The following LHX8 variants were observed in gnomAD, a reference collection of about 807,000 sequenced individuals.
LHX8 encodes the protein LIM homeobox 8.
A neutral mutation model predicts 40.3 loss-of-function variants in LHX8; 12 were observed. The ratio of observed to expected loss-of-function variants is 0.30; its 90% confidence interval spans 0.19 to 0.48. LHX8 has a LOEUF of 0.48. Among genes scored for constraint, LHX8 ranks in the 20% least tolerant of loss-of-function variants. LHX8 has a pLI of 0.99. For missense variants in LHX8, 344 were observed against 433.7 expected (o/e 0.79, Z 1.84); for synonymous variants, 179 against 162.0 (o/e 1.10, Z -0.80).
At chr1:75,130,480 G>A (rs1423238625), upstream of LHX8, 25 of 591,986 alleles carry the variant, frequency 4.2e-5, no homozygotes, top group Admixed American at 5.9e-5. Flanking sequence ...GTCCCGCGTG[G>A]AGCAGGCTTG....
chr1:75,138,328 T>G (rs1435333926), intron 3 of LHX8, among the ~76,000 whole-genome samples: 3 of 152,202 alleles, frequency 2.0e-5, no homozygotes, highest in Admixed American at 6.5e-5. Context: ...TGTTCAAAAT[T>G]CGTGTTAGTG....
intron 7 of LHX8, among the ~76,000 whole-genome samples, chr1:75,155,476 C>T (rs778781833): frequency 2.3e-4 from 35 of 152,022 alleles, no homozygotes; most frequent in Non-Finnish European, 1.9e-4. Context: ...CCTTGTGATT[C>T]GCCCGCCTTG....
At position 75,160,810 on chromosome 1, in the gene LHX8, A is replaced by G. The variant is rs868127369; in HGVS notation, c.965-9A>G. On this transcript the variant is annotated splice_polypyrimidine_tract_variant and intron_variant, in intron 8 of 8. Coordinates refer to ENST00000356261, the MANE Select transcript of LHX8 (RefSeq NM_001256114.2). ...AAAACTGATCCACAAATTTCTTTCT[A>G]TTTTGTAGCTCATTCACCAACAACT... 4.4e-6 allele frequency: 7 copies of G among 1,603,204 alleles called. No homozygotes were observed. The highest frequency in any genetic ancestry group is 1.7e-4 in the Middle Eastern group (1 of 6,048).
chr1:75,143,426 T>C (rs550720602), intron 5 of LHX8, 88 bp downstream of exon 5: 292 of 885,816 alleles, frequency 3.3e-4, no homozygotes, highest in Non-Finnish European at 3.6e-4. Flanking sequence ...CTTAATGCAT[T>C]ATTTTGTACA....
rs1351792858 is a variant in LHX8, at chr1:75,134,760, G to C, written c.-207G>C. ...TCGCAGTGTCCTTGAAACTCGAGTTGTTTGGGCTCCTAAACAAGGTTCAGA... is the reference window on the plus strand; with the variant it reads ...TCGCAGTGTCCTTGAAACTCGAGTTCTTTGGGCTCCTAAACAAGGTTCAGA... On this transcript the variant is annotated 5_prime_UTR_variant, in exon 1 of 9. Transcript: ENST00000356261. 5.1e-6 allele frequency: 1 copy of C among 197,118 alleles called. No individual in the cohort carries two copies. Among genetic ancestry groups the C allele is most frequent in the Non-Finnish European group, 9.2e-6 (1 of 108,922 alleles). 12.2% of individuals were successfully genotyped at this position (197,118 alleles called of 1,614,324 possible).
downstream of LHX8, among the ~76,000 whole-genome samples, chr1:75,165,012 A>C (rs1199520948): frequency 6.6e-6 from 1 of 152,226 alleles, no homozygotes; most frequent in Non-Finnish European, 1.5e-5. Flanking sequence ...TTTAAGCACA[A>C]GCTGCCACTT....
At chr1:75,175,802 CCTAATG>C in the LHX8 span, among the ~76,000 whole-genome samples, 1 of 152,052 alleles carries the variant, frequency 6.6e-6, no homozygotes, top group African/African-American at 2.4e-5. Context: ...AGGTATTTCT[CCTAATG>C]CTATCCCTCC....
the LHX8 span, among the ~76,000 whole-genome samples, chr1:75,189,909 T>A: frequency 1.3e-5 from 2 of 152,236 alleles, no homozygotes; most frequent in African/African-American, 4.8e-5. Flanking sequence ...TTTAATCAAC[T>A]GTTCAATGCT....
downstream of LHX8, among the ~76,000 whole-genome samples, chr1:75,166,284 C>A (rs1649035283): frequency 6.6e-6 from 1 of 152,204 alleles, no homozygotes; most frequent in Non-Finnish European, 1.5e-5. Context: ...ACATCTACTT[C>A]CTGTCTACAT....
chr1:75,179,980 T>C, the LHX8 span, among the ~76,000 whole-genome samples: 4 of 152,324 alleles, frequency 2.6e-5, no homozygotes, highest in East Asian at 5.8e-4. Flanking sequence ...AAATTCTGGA[T>C]TGAAAATTCT....
At chr1:75,171,253 C>A in the LHX8 span, among the ~76,000 whole-genome samples, 94 of 152,036 alleles carry the variant, frequency 6.2e-4, 1 homozygote, top group Middle Eastern at 3.4e-3. Context: ...TATGCAGTTG[C>A]CAAAATGTGA....
chr1:75,132,168 A>T (rs989314561), upstream of LHX8, among the ~76,000 whole-genome samples: 1 of 152,158 alleles, frequency 6.6e-6, no homozygotes, highest in African/African-American at 2.4e-5. Flanking sequence ...AGCTCCAGGG[A>T]ACCGGGCCAC....
chr1:75,180,869 G>A, the LHX8 span, among the ~76,000 whole-genome samples: 1 of 152,090 alleles, frequency 6.6e-6, no homozygotes, highest in East Asian at 1.9e-4. Flanking sequence ...CTACAGATGG[G>A]GTTTTGGTGT....
At chr1:75,174,044 A>G in the LHX8 span, among the ~76,000 whole-genome samples, 1 of 152,144 alleles carries the variant, frequency 6.6e-6, no homozygotes, top group Non-Finnish European at 1.5e-5. Context: ...AAAGTCAGAA[A>G]TCTGAAACGC....
At chr1:75,136,554 G>T (rs1415764414) in intron 1 of LHX8, 49 bp from the exon 2 acceptor site, 2 of 1,374,462 alleles carry the variant, frequency 1.5e-6, no homozygotes, top group Non-Finnish European at 1.0e-6. Context: ...CAGCACGCTC[G>T]GAACTTCTGA....
intron 7 of LHX8, among the ~76,000 whole-genome samples, chr1:75,155,133 C>G (rs1327365994): frequency 6.6e-6 from 1 of 151,556 alleles, no homozygotes; most frequent in South Asian, 2.1e-4. Context: ...TGTTCTCATG[C>G]TAAGTTTTTA....
chr1:75,175,696 G>T, the LHX8 span, among the ~76,000 whole-genome samples: 1 of 151,648 alleles, frequency 6.6e-6, no homozygotes, highest in Non-Finnish European at 1.5e-5. Flanking sequence ...TATACTTTAA[G>T]TTCTAGGGTA....
the LHX8 span, among the ~76,000 whole-genome samples, chr1:75,180,499 G>A: frequency 6.6e-6 from 1 of 152,008 alleles, no homozygotes; most frequent in Non-Finnish European, 1.5e-5. Context: ...TGATGCTTTT[G>A]CATGTGTCAC....
intron 1 of LHX8, among the ~76,000 whole-genome samples, chr1:75,136,254 G>C (rs1036369835): frequency 2.0e-5 from 3 of 151,600 alleles, no homozygotes; most frequent in African/African-American, 7.3e-5. Flanking sequence ...GCTCCGCTAT[G>C]ATTGACGTCT....
Sources: gnomAD v4.1 joint callset for allele counts (sites outside exome capture counted in the v4.1 genomes callset) on GRCh38, gnomAD v4.1.1 for gene constraint, MANE v1.5 for transcripts, NCBI Gene and HGNC (gene_info 2026-07-23, HGNC 2026-07-21) for gene names.